RNF38: variants seen among roughly 807,000 people sequenced by gnomAD.
RNF38 encodes ring finger protein 38.
RNF38 carries 15 observed loss-of-function variants against 67.2 expected under a neutral mutation model. That is an observed-to-expected ratio of 0.22 (90% CI 0.15 to 0.34). The LOEUF is 0.34. RNF38 is among the 10% of genes least tolerant of loss of function. The pLI is 1.00. For synonymous variants in RNF38, 220 were observed against 218.8 expected (o/e 1.01, Z -0.05); for missense variants, 524 against 639.9 (o/e 0.82, Z 1.95).
chr9:36,355,936 T>C (rs190936277), intron 6 of RNF38, among the ~76,000 whole-genome samples: 52 of 152,266 alleles, frequency 3.4e-4, no homozygotes, highest in African/African-American at 1.2e-3. Flanking sequence ...AACCTCTGCC[T>C]CCTGGATTCA....
intron 4 of RNF38, among the ~76,000 whole-genome samples, chr9:36,367,344 T>C (rs1011484666): frequency 1.3e-5 from 2 of 152,206 alleles, no homozygotes; most frequent in African/African-American, 2.4e-5. Context: ...CTACCACGTA[T>C]TGAAAATTAA....
At chr9:36,477,322 GA>G (rs760684192) in intron 1 of RNF38, among the ~76,000 whole-genome samples, 455 of 127,076 alleles carry the variant, frequency 3.6e-3, no homozygotes, top group African/African-American at 5.1e-3. Flanking sequence ...GACTCGTCTG[GA>G]AAAAAAAAAA....
chr9:36,351,174 C>T lies in RNF38; in HGVS notation c.1204G>A (p.Val402Met). 1.2e-6 allele frequency: 2 copies of T among 1,613,048 alleles called. No homozygotes were observed. The highest frequency in any genetic ancestry group is 8.5e-7 in the Non-Finnish European group (1 of 1,179,420). ...AATTCAAAGCTGAAAGTTGGGCCCA[C>T]TGCAGGTGGCACTGGAAGCATTGAT... is the stretch of plus-strand genomic sequence containing the variant. ...VLSMLPVPPA[V>M]GPTFSFELDV... The change falls in exon 9 of 12, where the codon GTG becomes ATG. Residue 402 changes from valine (V) to methionine (M), a missense_variant. Transcript: ENST00000259605.
intron 2 of RNF38, among the ~76,000 whole-genome samples, chr9:36,411,433 A>AT (rs1838322521): frequency 6.6e-6 from 1 of 152,212 alleles, no homozygotes; most frequent in Non-Finnish European, 1.5e-5. Flanking sequence ...ACCAAAAAGA[A>AT]CTGAAAGCAG....
chr9:36,442,163 C>G (rs1295542387), intron 1 of RNF38, among the ~76,000 whole-genome samples: 1 of 152,110 alleles, frequency 6.6e-6, no homozygotes, highest in Non-Finnish European at 1.5e-5. Flanking sequence ...TAGCTCAAAC[C>G]GGCTGTCAAC....
chr9:36,455,420 AG>A (rs1839564443), intron 1 of RNF38, among the ~76,000 whole-genome samples: 1 of 152,182 alleles, frequency 6.6e-6, no homozygotes, highest in South Asian at 2.1e-4. Context: ...TTTAATAGTA[AG>A]CACAACACTA....
intron 2 of RNF38, among the ~76,000 whole-genome samples, chr9:36,419,819 CACAAACAA>C (rs1022442720): frequency 1.3e-5 from 2 of 152,100 alleles, no homozygotes; most frequent in African/African-American, 2.4e-5. Flanking sequence ...GCGACCCTGT[CACAAACAA>C]ACAAACAAAA....
At chr9:36,403,899 A>G (rs1173872275), upstream of RNF38, among the ~76,000 whole-genome samples, 1 of 152,168 alleles carries the variant, frequency 6.6e-6, no homozygotes, top group Non-Finnish European at 1.5e-5. Flanking sequence ...TTTTCTCTTT[A>G]TTGGATTATT....
upstream of RNF38, among the ~76,000 whole-genome samples, chr9:36,402,649 G>A (rs571720377): frequency 3.3e-5 from 5 of 152,280 alleles, no homozygotes; most frequent in South Asian, 1.0e-3. Context: ...CTAACTGTAA[G>A]AGAGGCAGAT....
At chr9:36,391,615 T>C (rs1444903288) in intron 1 of RNF38, among the ~76,000 whole-genome samples, 2 of 146,988 alleles carry the variant, frequency 1.4e-5, no homozygotes, top group Non-Finnish European at 3.0e-5. Flanking sequence ...TTTCCTACTT[T>C]TTTTTTTTTT....
At chr9:36,426,198 A>G (rs915105277) in intron 1 of RNF38, among the ~76,000 whole-genome samples, 2 of 152,198 alleles carry the variant, frequency 1.3e-5, no homozygotes, top group Non-Finnish European at 2.9e-5. Flanking sequence ...GACACAATTC[A>G]CATACTACAC....
chr9:36,369,486 G>C (rs774108336), intron 4 of RNF38, among the ~76,000 whole-genome samples: 10 of 151,944 alleles, frequency 6.6e-5, no homozygotes, highest in Non-Finnish European at 1.0e-4. Flanking sequence ...CAAAGTGCTG[G>C]GATTACAGGC....
In RNF38 at chr9:36,380,627, G is replaced by C. The variant is rs565670943; in HGVS notation, c.163-4500C>G. Among the ~76,000 whole-genome samples the C allele has an allele frequency of 2.6e-5, 4 of 152,156 alleles. No individual in the cohort carries two copies. In the South Asian group the frequency reaches 6.2e-4, roughly 24 times the overall value. On this transcript the variant is annotated intron_variant, in intron 2 of 11. Transcript: ENST00000259605. ...CTCACCTAAGTCTCCCAAGTAGCTG[G>C]GACTACAGGTGCACACCACCATGAC...
chr9:36,351,247 T>C, intron 8 of RNF38, 48 bp from the exon 9 acceptor site: 1 of 1,304,880 alleles, frequency 7.7e-7, no homozygotes, highest in South Asian at 1.2e-5. Context: ...GTACATTAAA[T>C]CAATGAACAG....
intron 6 of RNF38, among the ~76,000 whole-genome samples, chr9:36,354,619 A>C (rs1833959504): frequency 6.6e-6 from 1 of 152,138 alleles, no homozygotes; most frequent in Non-Finnish European, 1.5e-5. Flanking sequence ...CCTTTTTATG[A>C]GTGAGTATTA....
intron 6 of RNF38, among the ~76,000 whole-genome samples, chr9:36,353,762 G>A (rs1315050347): frequency 6.6e-6 from 1 of 152,216 alleles, no homozygotes; most frequent in Non-Finnish European, 1.5e-5. Context: ...AGGGCTAAAT[G>A]AGATATGGTA....
At chr9:36,485,970 TCA>T (rs1176001523) in intron 1 of RNF38, among the ~76,000 whole-genome samples, 3 of 152,236 alleles carry the variant, frequency 2.0e-5, no homozygotes, top group African/African-American at 7.2e-5. Flanking sequence ...GCAGACCAAT[TCA>T]CACTCAACCT....
chr9:36,452,966 T>C (rs914337090), intron 1 of RNF38, among the ~76,000 whole-genome samples: 2 of 152,224 alleles, frequency 1.3e-5, no homozygotes, highest in South Asian at 2.1e-4. Flanking sequence ...CTGTGAACAT[T>C]TGTATACAGC....
intron 1 of RNF38, among the ~76,000 whole-genome samples, chr9:36,451,917 A>C (rs7044738): frequency 6.6e-6 from 1 of 151,174 alleles, no homozygotes; most frequent in Non-Finnish European, 1.5e-5. Context: ...AAACTTTTTT[A>C]AAAAAAAAAC....
Sources: gnomAD v4.1 joint callset for allele counts (sites outside exome capture counted in the v4.1 genomes callset) on GRCh38, gnomAD v4.1.1 for gene constraint, MANE v1.5 for transcripts, NCBI Gene and HGNC (gene_info 2026-07-23, HGNC 2026-07-21) for gene names.